Variants in SLC1A2 observed in about 807,000 individuals in gnomAD.
SLC1A2 encodes the protein excitatory amino acid transporter 2.
A neutral mutation model predicts 48.8 loss-of-function variants in SLC1A2; 15 were observed. That is an observed-to-expected ratio of 0.31 (90% CI 0.21 to 0.47). SLC1A2 has a LOEUF of 0.47. SLC1A2 is among the 20% of genes least tolerant of loss of function. SLC1A2 has a pLI of 0.99. For missense variants in SLC1A2, 502 were observed against 730.5 expected, an observed-to-expected ratio of 0.69 and a Z score of 3.61; for synonymous variants, 279 against 272.6, an observed-to-expected ratio of 1.02 and a Z score of -0.23.
intron 9 of SLC1A2, among the ~76,000 whole-genome samples, chr11:35,270,665 T>A (rs1318550422): frequency 3.3e-5 from 5 of 152,164 alleles, no homozygotes; most frequent in African/African-American, 1.2e-4. Context: ...TACAGGGTCA[T>A]GTAGGTAGAA....
At chr11:35,358,865 G>A (rs532575448) in intron 1 of SLC1A2, among the ~76,000 whole-genome samples, 24 of 152,236 alleles carry the variant, frequency 1.6e-4, no homozygotes, top group Admixed American at 3.3e-4. Flanking sequence ...AGCGGGAGGC[G>A]GTGGTCATTG....
At chr11:35,345,313 TC>T (rs143879488) in intron 1 of SLC1A2, among the ~76,000 whole-genome samples, 3,719 of 152,310 alleles carry the variant, frequency 0.024, 74 homozygotes, top group Middle Eastern at 0.068. Flanking sequence ...AGCCTTGTCT[TC>T]CCTCCTTTCT....
intron 1 of SLC1A2, chr11:35,380,501 G>C (rs1029890201): frequency 2.5e-6 from 1 of 398,214 alleles, no homozygotes; most frequent in African/African-American, 2.1e-5. Context: ...CCCTGGATTG[G>C]TCTGATCTCT....
chr11:35,283,579 A>G (rs575031398), intron 8 of SLC1A2, among the ~76,000 whole-genome samples: 2 of 152,304 alleles, frequency 1.3e-5, no homozygotes, highest in East Asian at 1.9e-4. Flanking sequence ...CACAAATTCA[A>G]TCACTCACTG....
intron 4 of SLC1A2, among the ~76,000 whole-genome samples, chr11:35,311,897 G>GGA (rs1213084635): frequency 0.19 from 4,831 of 25,574 alleles, 1,283 homozygotes; most frequent in East Asian, 0.5. Flanking sequence ...AGAGAGGGAG[G>GGA]GAGAGAGAGA....
chr11:35,362,246 C>G (rs560150085), intron 1 of SLC1A2, among the ~76,000 whole-genome samples: 3 of 152,242 alleles, frequency 2.0e-5, no homozygotes. Context: ...TAGACACACT[C>G]CTCACCATAT....
intron 1 of SLC1A2, among the ~76,000 whole-genome samples, chr11:35,384,251 G>A (rs1854519760): frequency 6.6e-6 from 1 of 152,182 alleles, no homozygotes; most frequent in Non-Finnish European, 1.5e-5. Flanking sequence ...AACGAAGTCA[G>A]TGAGATCTGG....
Position 35,312,250 on chromosome 11 carries a change from T to TC in SLC1A2, c.508dup (p.Asp170GlyfsTer9). 6.2e-7 allele frequency: 1 copy of TC among 1,614,036 alleles called. No individual in the cohort carries two copies. The highest frequency in any genetic ancestry group is 8.5e-7 in the Non-Finnish European group (1 of 1,179,970). On this transcript the variant is annotated frameshift_variant, in exon 4 of 11. Coordinates refer to ENST00000278379, the MANE Select transcript of SLC1A2 (RefSeq NM_004171.4). LOFTEE classifies it high-confidence loss of function. Reference sequence around the variant, plus strand: ...TTCAGGGAAGAGATTTCGAATAAGGTCCAGGAAGGCATCCAGGCTGGACAC... The same window carrying TC: ...TTCAGGGAAGAGATTTCGAATAAGGTCCCAGGAAGGCATCCAGGCTGGACAC...
At chr11:35,264,215 G>C (rs1213711098) in intron 10 of SLC1A2, 2 of 152,216 alleles carry the variant, frequency 1.3e-5, no homozygotes, top group Non-Finnish European at 2.9e-5. Context: ...GAAAAAGCCT[G>C]TGCTAGTCCA....
rs1441584322 is a variant in SLC1A2 at position 35,254,794 on chromosome 11, C to A, written c.*6100G>T. Reference sequence around the variant, plus strand: ...CTGTTCCAATAGCTGGTTTTATTCTCAGCACAAAAGGGCCCTGTGTAAAAA... The same window carrying A: ...CTGTTCCAATAGCTGGTTTTATTCTAAGCACAAAAGGGCCCTGTGTAAAAA... On this transcript the variant is annotated 3_prime_UTR_variant, in exon 11 of 11. Transcript: ENST00000278379. 2.2e-6 allele frequency: 1 copy of A among 455,966 alleles called. No homozygotes were observed. The highest frequency in any genetic ancestry group is 4.4e-6 in the Non-Finnish European group (1 of 226,902). 28.2% of individuals were successfully genotyped at this position (455,966 alleles called of 1,614,324 possible).
At chr11:35,281,612 C>T (rs1850635561) in intron 8 of SLC1A2, among the ~76,000 whole-genome samples, 1 of 152,132 alleles carries the variant, frequency 6.6e-6, no homozygotes, top group Admixed American at 6.5e-5. Flanking sequence ...AAGGGGATGC[C>T]AAGAAATGAT....
In SLC1A2 at chr11:35,260,637, T is replaced by A; in HGVS notation, c.*257A>T. 3 of 438,740 alleles carry A rather than the reference T, an allele frequency of 6.8e-6. No homozygotes were observed. The allele number at this position is 438,740 out of a possible 1,614,324, so 27.2% of individuals were successfully genotyped here. ...GCAAGAACGTGTCTTCAATTCCAACTGATTCCTCCAGCAGCATCCATTCAA... is the reference window on the plus strand; with the variant it reads ...GCAAGAACGTGTCTTCAATTCCAACAGATTCCTCCAGCAGCATCCATTCAA... On this transcript the variant is annotated 3_prime_UTR_variant, in exon 11 of 11. Coordinates refer to ENST00000278379, the MANE Select transcript of SLC1A2 (RefSeq NM_004171.4).
chr11:35,287,656 C>T (rs1017377467), intron 7 of SLC1A2, among the ~76,000 whole-genome samples: 1 of 152,190 alleles, frequency 6.6e-6, no homozygotes, highest in Admixed American at 6.5e-5. Context: ...GACTTCACCC[C>T]CACTCCTCCC....
intron 1 of SLC1A2, among the ~76,000 whole-genome samples, chr11:35,389,305 C>T (rs1854684466): frequency 6.6e-6 from 1 of 152,118 alleles, no homozygotes; most frequent in Admixed American, 6.5e-5. Flanking sequence ...CATTCACATG[C>T]CCAGGTAGAG....
intron 1 of SLC1A2, chr11:35,391,161 G>A (rs1854757670): frequency 6.6e-6 from 1 of 152,100 alleles, no homozygotes; most frequent in Non-Finnish European, 1.5e-5. Context: ...ACTTTTATTG[G>A]AACACAGCCT....
chr11:35,299,795 G>A (rs923883146), intron 6 of SLC1A2: 4 of 152,188 alleles, frequency 2.6e-5, no homozygotes, highest in Admixed American at 1.3e-4. Context: ...GAATTTCCAC[G>A]AAAGACACCT....
At chr11:35,314,547 T>C (rs1851807817) in intron 3 of SLC1A2, among the ~76,000 whole-genome samples, 1 of 152,056 alleles carries the variant, frequency 6.6e-6, no homozygotes, top group South Asian at 2.1e-4. Context: ...ACCCTGTCTC[T>C]ACTAAAAATA....
At chr11:35,408,530 A>G (rs1451814181) in intron 1 of SLC1A2, among the ~76,000 whole-genome samples, 2 of 152,054 alleles carry the variant, frequency 1.3e-5, no homozygotes, top group Middle Eastern at 3.4e-3. Context: ...AATGCCTTTC[A>G]CCTCTCGCCA....
chr11:35,314,959 G>A lies in SLC1A2; in HGVS notation c.310+64C>T, dbSNP rs1487149286. On this transcript the variant is annotated intron_variant, in intron 3 of 10. Coordinates refer to ENST00000278379, the MANE Select transcript of SLC1A2 (RefSeq NM_004171.4). ...CACTCAACCAAATTGAGATTCTACAGTTAATTAAAAGCCAGGGCAGGAGTA... is the reference window on the plus strand; with the variant it reads ...CACTCAACCAAATTGAGATTCTACAATTAATTAAAAGCCAGGGCAGGAGTA... 4 of 1,196,722 alleles carry A rather than the reference G, an allele frequency of 3.3e-6. No individual in the cohort carries two copies. The East Asian group carries it at 9.4e-5, about 28-fold the overall frequency. The allele number at this position is 1,196,722 out of a possible 1,614,324, so 74.1% of individuals were successfully genotyped here. A position where few individuals can be genotyped will look rare whatever the true frequency, so the allele number is the denominator to read the frequency against.
Sources: gnomAD v4.1 joint callset for allele counts (sites outside exome capture counted in the v4.1 genomes callset) on GRCh38, gnomAD v4.1.1 for gene constraint, MANE v1.5 for transcripts, NCBI Gene and HGNC (gene_info 2026-07-23, HGNC 2026-07-21) for gene names.